The following ABCC8 variants were observed in gnomAD, a reference collection of about 807,000 sequenced individuals.
The protein encoded by ABCC8 is ATP-binding cassette sub-family C member 8.
In ABCC8, 137 loss-of-function variants were observed where a neutral mutation model predicts 188.0. The observed-to-expected ratio is 0.73, with a 90% CI of 0.63 to 0.84. The LOEUF is 0.84. Ranked by LOEUF, ABCC8 falls within the 40% of genes least tolerant of loss-of-function variation. The probability of loss-of-function intolerance (pLI) is 0.00; values close to 1 mark genes in which losing one functional copy is unlikely to be tolerated. For missense variants in ABCC8, 1,750 were observed against 2,072.7 expected (o/e 0.84, Z 3.02); for synonymous variants, 797 against 846.5 (o/e 0.94, Z 1.01).
chr11:17,402,917 T>C (rs953747782), intron 28 of ABCC8, 164 bp from the exon 29 acceptor site: 4 of 245,942 alleles, frequency 1.6e-5, no homozygotes, highest in Non-Finnish European at 2.6e-5. Context: ...ACCAGCCCAT[T>C]GAGCTTTTGT....
At chr11:17,476,553 C>T in intron 1 of ABCC8, 76 bp downstream of exon 1, 3 of 1,534,532 alleles carry the variant, frequency 2.0e-6, no homozygotes, top group South Asian at 1.2e-5. Context: ...GGACGCCGAG[C>T]GGTGCGGCGC....
intron 22 of ABCC8, among the ~76,000 whole-genome samples, chr11:17,409,119 A>ATTTTT (rs34715760): frequency 7.1e-6 from 1 of 141,360 alleles, no homozygotes; most frequent in Non-Finnish European, 1.5e-5. Flanking sequence ...TACCTGGCTA[A>ATTTTT]TTTTTTTTTT....
In ABCC8 at chr11:17,460,493, G is replaced by C; in HGVS notation, c.1006C>G (p.Pro336Ala). 6.2e-7 allele frequency: 1 copy of C among 1,614,128 alleles called. No homozygotes were observed. Among genetic ancestry groups the C allele is most frequent in the South Asian group, 1.1e-5 (1 of 91,088 alleles). ...HLGKENDVFQ[P>A]KTQFLGVYFV... ...CTACCCCTGGGGCTGCCTACCTTGGGCTGGAAGACGTCGTTCTCCTTCCCA... is the reference window on the plus strand; with the variant it reads ...CTACCCCTGGGGCTGCCTACCTTGGCCTGGAAGACGTCGTTCTCCTTCCCA... The change falls in exon 6 of 39, where the codon CCC becomes GCC. Residue 336 changes from proline (P) to alanine (A), a missense_variant. Pro to Ala is a conservative substitution (Grantham distance 27, BLOSUM62 -1). Transcript: ENST00000389817.
intron 2 of ABCC8, among the ~76,000 whole-genome samples, chr11:17,473,579 T>C (rs941282994): frequency 2.6e-5 from 4 of 151,992 alleles, no homozygotes; most frequent in African/African-American, 7.3e-5. Flanking sequence ...AAGCCAAATA[T>C]CCCTCTCCTC....
intron 29 of ABCC8, among the ~76,000 whole-genome samples, chr11:17,402,007 C>T (rs765754645): frequency 6.6e-6 from 1 of 152,204 alleles, no homozygotes; most frequent in African/African-American, 2.4e-5. Context: ...ATACTTGTCA[C>T]GTGGATTTAT....
chr11:17,415,760 A>AGCCAG (rs1303691229), intron 17 of ABCC8, among the ~76,000 whole-genome samples: 2 of 152,186 alleles, frequency 1.3e-5, no homozygotes, highest in Non-Finnish European at 2.9e-5. Context: ...CTCTGGACAG[A>AGCCAG]GCCAGGCCAG....
rs866200184 is a variant in ABCC8 at position 17,406,552 on chromosome 11, G to A, written c.3329+70C>T. 25 of 1,463,190 alleles carry A rather than the reference G, an allele frequency of 1.7e-5. No individual in the cohort carries two copies. The Middle Eastern group carries it at 2.6e-3, about 153-fold the overall frequency. 90.6% of individuals were successfully genotyped at this position (1,463,190 alleles called of 1,614,324 possible). A position where few individuals can be genotyped will look rare whatever the true frequency, so the allele number is the denominator to read the frequency against. On this transcript the variant is annotated intron_variant, in intron 26 of 38. Transcript: ENST00000389817. ...ACAGGTTGTATATCCCCATTTTATA[G>A]ATGGGAAGACTAAGGCTCAGAGAAC...
At chr11:17,423,318 C>T (rs867848835) in intron 16 of ABCC8, among the ~76,000 whole-genome samples, 3 of 141,630 alleles carry the variant, frequency 2.1e-5, no homozygotes, top group African/African-American at 2.7e-5. Context: ...GATCGCACCA[C>T]TGCACTCCAG....
intron 23 of ABCC8, chr11:17,408,097 CTT>C (rs1954627347): frequency 3.1e-6 from 1 of 323,530 alleles, no homozygotes; most frequent in African/African-American, 2.1e-5. Flanking sequence ...TTAATTCCCT[CTT>C]GTTTTCTTTG....
At chr11:17,425,971 T>C (rs1050788060) in intron 16 of ABCC8, among the ~76,000 whole-genome samples, 5 of 152,162 alleles carry the variant, frequency 3.3e-5, no homozygotes, top group African/African-American at 7.2e-5. Context: ...TTGCTGAGAA[T>C]GATAGTTTCC....
At chr11:17,415,004 CTT>C (rs750031942) in intron 18 of ABCC8, among the ~76,000 whole-genome samples, 16 of 141,682 alleles carry the variant, frequency 1.1e-4, no homozygotes, top group Admixed American at 1.4e-4. Flanking sequence ...AATGGAAGAA[CTT>C]TTTTTTTTTT....
intron 20 of ABCC8, chr11:17,413,118 G>A (rs1954895132): frequency 1.3e-5 from 8 of 614,786 alleles, no homozygotes; most frequent in Non-Finnish European, 2.2e-5. Flanking sequence ...ACCCCAGGCT[G>A]AGCACAGTGC....
In ABCC8 at chr11:17,410,580, C is replaced by T. The variant is rs549910824; in HGVS notation, c.2630G>A (p.Arg877Gln). 46 of 1,614,096 alleles carry T rather than the reference C, an allele frequency of 2.8e-5. No individual in the cohort carries two copies. The highest frequency in any genetic ancestry group is 1.3e-4 in the East Asian group (6 of 44,868). Residue 877 changes from arginine to glutamine, a missense_variant, in exon 22 of 39, where the codon CGG becomes CAG. By Grantham distance (43) the Arg-to-Gln change is conservative. Coordinates refer to ENST00000389817, the MANE Select transcript of ABCC8 (RefSeq NM_000352.6). ...LMQAGILELL[R>Q]DDKRTVVLVT... The stretch of plus-strand genomic sequence containing the variant: ...TAAGACCACTGTCCTCTTGTCGTCC[C>T]GGAGCAGCTCAAGGATGCCGGCCTG...
chr11:17,470,072 A>G (rs775387428), intron 3 of ABCC8, 29 bp downstream of exon 3: 1 of 1,611,912 alleles, frequency 6.2e-7, no homozygotes, highest in Admixed American at 1.7e-5. Flanking sequence ...GAATGAAGGT[A>G]CTGCCCCTCC....
chr11:17,428,793 A>C (rs1955715740), intron 12 of ABCC8, 123 bp from the exon 13 acceptor site: 1 of 1,527,102 alleles, frequency 6.5e-7, no homozygotes, highest in Non-Finnish European at 8.8e-7. Flanking sequence ...CACAAAGCCC[A>C]CACTGAAGGG....
intron 17 of ABCC8, among the ~76,000 whole-genome samples, chr11:17,416,253 T>C (rs373309361): frequency 6.6e-6 from 1 of 152,064 alleles, no homozygotes. Context: ...TTTGGAGAGG[T>C]AAGGGGAGGG....
intron 10 of ABCC8, among the ~76,000 whole-genome samples, chr11:17,437,159 G>T (rs763166612): frequency 2.1e-4 from 31 of 146,632 alleles, no homozygotes; most frequent in Non-Finnish European, 4.2e-4. Context: ...TCCAGGCCTT[G>T]TGCTGGTGTG....
chr11:17,463,801 C>A (rs995607053), intron 3 of ABCC8, 197 bp from the exon 4 acceptor site: 5 of 187,912 alleles, frequency 2.7e-5, no homozygotes, highest in Non-Finnish European at 5.0e-5. Flanking sequence ...TCTTAACATT[C>A]ATGAAAAACA....
chr11:17,442,795 GGAA>G lies in ABCC8; in HGVS notation c.1552_1554del (p.Phe518del), dbSNP rs750816548. On this transcript the variant is annotated inframe_deletion, in exon 10 of 39. Transcript: ENST00000389817. ...CTGCGGGTCGTCTCCACCCGCGTGC[GGAA>G]GATGTTCTCCCAGGCGTACAGCTTC... 1 of 1,614,098 alleles carries G rather than the reference GGAA, an allele frequency of 6.2e-7. No homozygotes were observed. Among genetic ancestry groups the G allele is most frequent in the South Asian group, 1.1e-5 (1 of 91,056 alleles).
Sources: allele counts gnomAD v4.1 joint callset (sites outside exome capture counted in the v4.1 genomes callset), GRCh38; gene constraint gnomAD v4.1.1; transcripts MANE v1.5; gene names NCBI Gene and HGNC (gene_info 2026-07-23, HGNC 2026-07-21).